The following BICC1 variants were observed in gnomAD, a reference collection of about 807,000 sequenced individuals.
The protein encoded by BICC1 is BicC family RNA binding protein 1.
Under a neutral mutation model 111.0 loss-of-function variants are expected in BICC1, and 43 were observed. The observed-to-expected ratio is 0.39, with a 90% confidence interval of 0.30 to 0.50. The LOEUF is 0.50. BICC1 is among the 20% of genes least tolerant of loss of function. The pLI, the probability that BICC1 is intolerant of heterozygous loss-of-function variation, is 0.88. For synonymous variants in BICC1, 467 were observed against 434.4 expected (o/e 1.07, Z -0.93); for missense variants, 1,091 against 1,203.2 (o/e 0.91, Z 1.38).
At chr10:58,792,727 C>T (rs1293498377) in intron 8 of BICC1, among the ~76,000 whole-genome samples, 1 of 152,104 alleles carries the variant, frequency 6.6e-6, no homozygotes, top group Non-Finnish European at 1.5e-5. Context: ...TCAGGGCTCC[C>T]ACTGATTTTA....
At chr10:58,597,237 C>T (rs1398059835) in intron 1 of BICC1, among the ~76,000 whole-genome samples, 1 of 152,030 alleles carries the variant, frequency 6.6e-6, no homozygotes, top group Non-Finnish European at 1.5e-5. Flanking sequence ...ATGATTCCTG[C>T]CTGAGTCTCA....
chr10:58,693,971 C>A (rs1589030297), intron 2 of BICC1, among the ~76,000 whole-genome samples: 1 of 152,092 alleles, frequency 6.6e-6, no homozygotes, highest in African/African-American at 2.4e-5. Flanking sequence ...GCTAGGTTTT[C>A]TTCTAGGGTT....
At chr10:58,702,860 A>G (rs545865282) in intron 3 of BICC1, among the ~76,000 whole-genome samples, 4 of 152,310 alleles carry the variant, frequency 2.6e-5, no homozygotes, top group African/African-American at 9.6e-5. Flanking sequence ...TGTAATGACA[A>G]ATACCATCAA....
At chr10:58,710,106 A>C (rs1459211299) in intron 3 of BICC1, among the ~76,000 whole-genome samples, 1 of 152,158 alleles carries the variant, frequency 6.6e-6, no homozygotes, top group Non-Finnish European at 1.5e-5. Context: ...AATCTTTTCA[A>C]ATTATCAGTG....
chr10:58,519,271 T>C (rs1038398424), intron 1 of BICC1, among the ~76,000 whole-genome samples: 4 of 152,208 alleles, frequency 2.6e-5, no homozygotes, highest in African/African-American at 9.6e-5. Flanking sequence ...CTCTTAGAGA[T>C]TTTGCATTTT....
intron 1 of BICC1, among the ~76,000 whole-genome samples, chr10:58,541,718 A>T (rs1842987198): frequency 1.3e-5 from 2 of 152,124 alleles, no homozygotes; most frequent in Admixed American, 1.3e-4. Context: ...TAAAATTCAT[A>T]TGGAATCTCA....
At chr10:58,656,427 G>A (rs920128155) in intron 2 of BICC1, among the ~76,000 whole-genome samples, 2 of 150,482 alleles carry the variant, frequency 1.3e-5, no homozygotes, top group Non-Finnish European at 3.0e-5. Context: ...TATCCTTGAT[G>A]AACATTGATG....
At chr10:58,650,093 C>T (rs1198487779) in intron 2 of BICC1, 1 of 152,160 alleles carries the variant, frequency 6.6e-6, no homozygotes, top group Non-Finnish European at 1.5e-5. Flanking sequence ...TTTTCTCTTA[C>T]ATTAACGATG....
intron 1 of BICC1, among the ~76,000 whole-genome samples, chr10:58,537,944 A>C (rs1252255684): frequency 6.6e-6 from 1 of 151,940 alleles, no homozygotes; most frequent in Non-Finnish European, 1.5e-5. Context: ...AAGGAGAACT[A>C]CAAAATACTG....
intron 3 of BICC1, among the ~76,000 whole-genome samples, chr10:58,740,349 CTT>C (rs1332285204): frequency 1.3e-5 from 2 of 152,170 alleles, no homozygotes; most frequent in East Asian, 3.8e-4. Context: ...ATTTTGGAAA[CTT>C]ATCAGAGTCT....
intron 1 of BICC1, among the ~76,000 whole-genome samples, chr10:58,539,940 A>G (rs1842918840): frequency 6.6e-6 from 1 of 152,022 alleles, no homozygotes; most frequent in Non-Finnish European, 1.5e-5. Context: ...TTTAGACCAT[A>G]TTGTAATAAA....
In BICC1 at chr10:58,823,665, T is replaced by C. The variant is rs181092320; in HGVS notation, c.2794+3197T>C. On this transcript the variant is annotated intron_variant, in intron 20 of 20. Coordinates refer to ENST00000373886, the MANE Select transcript of BICC1 (RefSeq NM_001080512.3). Reference sequence around the variant, plus strand: ...TATATATGCTAAAGGAGAATGTTGTTTGGCCTCATTCCTTTTTTTTCTTTG... The same window carrying C: ...TATATATGCTAAAGGAGAATGTTGTCTGGCCTCATTCCTTTTTTTTCTTTG... The C allele has an allele frequency of 4.1e-6, 4 of 984,992 alleles. No individual in the cohort carries two copies. In the Admixed American group the frequency reaches 2.5e-4, roughly 61 times the overall value. 61.0% of individuals were successfully genotyped at this position (984,992 alleles called of 1,614,324 possible). A position where few individuals can be genotyped will look rare whatever the true frequency, so the allele number is the denominator to read the frequency against.
chr10:58,632,174 A>G (rs1460091775), intron 2 of BICC1, among the ~76,000 whole-genome samples: 2 of 152,252 alleles, frequency 1.3e-5, no homozygotes, highest in African/African-American at 2.4e-5. Flanking sequence ...TGGGAATCCA[A>G]AAATTATCCT....
chr10:58,664,570 T>C (rs1305444128), intron 2 of BICC1, among the ~76,000 whole-genome samples: 1 of 152,156 alleles, frequency 6.6e-6, no homozygotes, highest in Non-Finnish European at 1.5e-5. Flanking sequence ...ATTGATAATA[T>C]TTTTCATTAG....
At chr10:58,745,748 T>C (rs2132623963) in intron 3 of BICC1, among the ~76,000 whole-genome samples, 1 of 152,092 alleles carries the variant, frequency 6.6e-6, no homozygotes, top group South Asian at 2.1e-4. Context: ...AGATAACAAT[T>C]AGATAACTTT....
chr10:58,705,777 G>A (rs1840369048), intron 3 of BICC1, among the ~76,000 whole-genome samples: 1 of 152,138 alleles, frequency 6.6e-6, no homozygotes, highest in South Asian at 2.1e-4. Context: ...TGGAGATTGG[G>A]CTTTTAGTGT....
chr10:58,618,812 G>A (rs752693447), intron 1 of BICC1, among the ~76,000 whole-genome samples: 78 of 152,286 alleles, frequency 5.1e-4, no homozygotes, highest in Admixed American at 2.4e-3. Context: ...TACTTTTTGG[G>A]TCTGAAATTT....
chr10:58,660,874 G>A (rs746559538), intron 2 of BICC1, among the ~76,000 whole-genome samples: 2 of 152,202 alleles, frequency 1.3e-5, no homozygotes, highest in Non-Finnish European at 2.9e-5. Context: ...CACACATTAT[G>A]TCTCTTTAAA....
chr10:58,690,180 A>C (rs35214319), intron 2 of BICC1, among the ~76,000 whole-genome samples: 39,496 of 152,078 alleles, frequency 0.26, 6,646 homozygotes, highest in African/African-American at 0.48. Context: ...CACACCCCTA[A>C]ACTTTTCTGG....
Sources: gnomAD v4.1 joint callset for allele counts (sites outside exome capture counted in the v4.1 genomes callset) on GRCh38, gnomAD v4.1.1 for gene constraint, MANE v1.5 for transcripts, NCBI Gene and HGNC (gene_info 2026-07-23, HGNC 2026-07-21) for gene names.